ROCK1: variants seen among roughly 807,000 people sequenced by gnomAD.
ROCK1 encodes the protein rho-associated protein kinase 1.
A neutral mutation model predicts 196.8 loss-of-function variants in ROCK1; 36 were observed. The ratio of observed to expected loss-of-function variants is 0.18; its 90% CI spans 0.14 to 0.24. The LOEUF (loss-of-function observed/expected upper bound fraction) is 0.24, where lower values mean the gene tolerates loss of function less well. Ranked by LOEUF, ROCK1 falls within the 10% of genes least tolerant of loss-of-function variation. The pLI is 1.00. For missense variants in ROCK1, 920 were observed against 1,562.0 expected (o/e 0.59, Z 6.93); for synonymous variants, 443 against 515.9 (o/e 0.86, Z 1.91).
chr18:20,966,816 C>A, intron 27 of ROCK1, 101 bp downstream of exon 27: 1 of 891,036 alleles, frequency 1.1e-6, no homozygotes, highest in Non-Finnish European at 1.7e-6. Context: ...TCTTAGGAAT[C>A]CATGGACAAA....
intron 10 of ROCK1, among the ~76,000 whole-genome samples, chr18:21,026,556 TA>T (rs2035958838): frequency 6.6e-6 from 1 of 151,980 alleles, no homozygotes; most frequent in Non-Finnish European, 1.5e-5. Context: ...CACAGAGTGT[TA>T]GGGAGGAAAA....
intron 7 of ROCK1, 96 bp from the exon 8 acceptor site, chr18:21,042,331 A>G: frequency 2.6e-6 from 3 of 1,168,188 alleles, no homozygotes; most frequent in Non-Finnish European, 3.5e-6. Flanking sequence ...TAAAAAGATT[A>G]TTAGGTATGT....
At chr18:21,078,086 T>G (rs1208154720) in intron 1 of ROCK1, among the ~76,000 whole-genome samples, 1 of 152,140 alleles carries the variant, frequency 6.6e-6, no homozygotes, top group African/African-American at 2.4e-5. Context: ...CCCAGCACTT[T>G]GGGAGGCCAA....
At position 21,111,364 on chromosome 18, in the gene ROCK1, T is replaced by C; in HGVS notation, c.-454A>G. On this transcript the variant is annotated 5_prime_UTR_variant, in exon 1 of 33. Coordinates refer to ENST00000399799, the MANE Select transcript of ROCK1 (RefSeq NM_005406.3). The surrounding 1 kb of genome is among the most constrained non-coding windows in gnomAD (Gnocchi z 4.2). ...CGAAAGCAAAGGGCGGGTGAGGAGC[T>C]GTGCCAGCTGCGGCCGCCGCTCGGG... is the stretch of plus-strand genomic sequence containing the variant. The C allele has an allele frequency of 2.4e-6, 1 of 422,218 alleles. No homozygotes were observed. Among genetic ancestry groups the C allele is most frequent in the Non-Finnish European group, 4.2e-6 (1 of 240,298 alleles). 26.2% of individuals were successfully genotyped at this position (422,218 alleles called of 1,614,324 possible). A position where few individuals can be genotyped will look rare whatever the true frequency, so the allele number is the denominator to read the frequency against.
At chr18:21,056,234 T>G (rs1568396752) in intron 2 of ROCK1, among the ~76,000 whole-genome samples, 1 of 152,314 alleles carries the variant, frequency 6.6e-6, no homozygotes, top group East Asian at 1.9e-4. Flanking sequence ...CTAGTCTACA[T>G]GTCTCTCTTA....
In ROCK1 at chr18:21,070,234, T is replaced by C. The variant is rs978953214; in HGVS notation, c.175+298A>G. Among the ~76,000 whole-genome samples, 13 of 152,130 alleles carry C rather than the reference T, an allele frequency of 8.5e-5. 1 individual carries two copies. The highest frequency in any genetic ancestry group is 7.9e-4 in the Admixed American group (12 of 15,278). ...AAATTTAAATATAAAACAGCTTTCA[T>C]GGAGAAAAATTCTCATGTCTCAGCA... On this transcript the variant is annotated intron_variant, in intron 2 of 32. Transcript: ENST00000399799.
chr18:20,971,723 G>C (rs985759345), intron 22 of ROCK1, among the ~76,000 whole-genome samples: 2 of 149,244 alleles, frequency 1.3e-5, no homozygotes, highest in African/African-American at 4.9e-5. Flanking sequence ...TAAATAAAGA[G>C]ACACAGCAGT....
intron 28 of ROCK1, 63 bp from the exon 29 acceptor site, chr18:20,959,991 G>T: frequency 8.8e-7 from 1 of 1,140,498 alleles, no homozygotes; most frequent in Non-Finnish European, 1.3e-6. Context: ...AAAGTGATAA[G>T]CATAATATTT....
Position 21,044,154 on chromosome 18 carries a change from T to G in ROCK1, c.623A>C (p.Lys208Thr), listed in dbSNP as rs1460651940. Residue 208 changes from lysine (K) to threonine (T), a missense_variant, in exon 6 of 33, where the codon AAA (lysine) becomes ACA (threonine). Coordinates refer to ENST00000399799, the MANE Select transcript of ROCK1 (RefSeq NM_005406.3). ...DVKPDNMLLD[K>T]SGHLKLADFG... is the part of the protein sequence containing the mutation. The stretch of plus-strand genomic sequence containing the variant: ...ATCTGCTAACTTCAAATGTCCAGAT[T>G]TATCCAGCAGCATGTTATCAGGCTT... 2 of 1,611,764 alleles carry G rather than the reference T, an allele frequency of 1.2e-6. No homozygotes were observed. Among genetic ancestry groups the G allele is most frequent in the Admixed American group, 3.3e-5 (2 of 59,850 alleles).
intron 22 of ROCK1, among the ~76,000 whole-genome samples, chr18:20,970,989 C>G (rs1256702879): frequency 6.6e-6 from 1 of 152,110 alleles, no homozygotes; most frequent in East Asian, 1.9e-4. Context: ...TAGTCCCTTC[C>G]AGCTCTGAAA....
At chr18:21,037,273 T>C in intron 9 of ROCK1, among the ~76,000 whole-genome samples, 1 of 152,196 alleles carries the variant, frequency 6.6e-6, no homozygotes, top group East Asian at 1.9e-4. Flanking sequence ...AGCTATTTTG[T>C]ATCCTGCTCC....
intron 2 of ROCK1, among the ~76,000 whole-genome samples, chr18:21,063,325 T>C (rs750424756): frequency 3.8e-4 from 58 of 152,154 alleles, no homozygotes; most frequent in Middle Eastern, 3.4e-3. Context: ...GTATACAAGA[T>C]GCCATAGAAG....
chr18:20,951,929 G>C (rs2035191788), intron 32 of ROCK1, among the ~76,000 whole-genome samples: 1 of 152,144 alleles, frequency 6.6e-6, no homozygotes, highest in Non-Finnish European at 1.5e-5. Flanking sequence ...TGGTAGAATA[G>C]AGGCTTTGGA....
intron 16 of ROCK1, among the ~76,000 whole-genome samples, chr18:20,993,316 C>T (rs1260527242): frequency 6.6e-6 from 1 of 152,174 alleles, no homozygotes; most frequent in Non-Finnish European, 1.5e-5. Flanking sequence ...CATTCTCCTG[C>T]CTCAGCCTCC....
chr18:20,955,558 A>ATGGT (rs2035233749), intron 29 of ROCK1: 1 of 213,092 alleles, frequency 4.7e-6, no homozygotes, highest in Admixed American at 5.2e-5. Context: ...AGAAAACTAA[A>ATGGT]CATATGCTTA....
intron 10 of ROCK1, among the ~76,000 whole-genome samples, chr18:21,024,948 T>C (rs1339372219): frequency 6.6e-6 from 1 of 152,220 alleles, no homozygotes; most frequent in Admixed American, 6.5e-5. Context: ...TTATGTAATA[T>C]AAATAAGGCA....
At chr18:21,103,088 T>A (rs2143604188) in intron 1 of ROCK1, among the ~76,000 whole-genome samples, 1 of 152,180 alleles carries the variant, frequency 6.6e-6, no homozygotes, top group South Asian at 2.1e-4. Context: ...GTAATAAAAA[T>A]ACACTCTATA....
At chr18:20,960,231 T>G in intron 27 of ROCK1, 25 bp from the exon 28 acceptor site, 1 of 1,334,660 alleles carries the variant, frequency 7.5e-7, no homozygotes, top group Non-Finnish European at 1.1e-6. Flanking sequence ...ATATATGTAT[T>G]AGTCAGTCTT....
At chr18:21,075,276 C>G (rs951780162) in intron 1 of ROCK1, among the ~76,000 whole-genome samples, 7 of 151,978 alleles carry the variant, frequency 4.6e-5, no homozygotes, top group African/African-American at 1.7e-4. Context: ...ACTGGGTAAA[C>G]AGGAATGGGG....
Sources: allele counts gnomAD v4.1 joint callset (sites outside exome capture counted in the v4.1 genomes callset), GRCh38; gene constraint gnomAD v4.1.1; non-coding constraint Gnocchi (gnomAD v3.1); transcripts MANE v1.5; gene names NCBI Gene and HGNC (gene_info 2026-07-23, HGNC 2026-07-21).